BICD1: variants seen among roughly 807,000 people sequenced by gnomAD.
BICD1 encodes BICD cargo adaptor 1.
Under a neutral mutation model 92.5 loss-of-function variants are expected in BICD1, and 35 were observed. The ratio of observed to expected loss-of-function variants is 0.38; its 90% CI spans 0.29 to 0.50. BICD1 has a LOEUF of 0.50. Ranked by LOEUF, BICD1 falls within the 20% of genes least tolerant of loss-of-function variation. The pLI is 0.93. For missense variants in BICD1, 950 were observed against 1,189.8 expected, an observed-to-expected ratio of 0.80 and a Z score of 2.97; for synonymous variants, 429 against 465.1, an observed-to-expected ratio of 0.92 and a Z score of 1.00.
chr12:32,123,991 C>T (rs543694065), intron 1 of BICD1, among the ~76,000 whole-genome samples: 67 of 152,268 alleles, frequency 4.4e-4, no homozygotes, highest in African/African-American at 1.5e-3. Flanking sequence ...AAAGACACTG[C>T]GCTGACTTGC....
At chr12:32,225,619 C>CTTTTTTTTTTTTTTTT (rs1555150859) in intron 2 of BICD1, among the ~76,000 whole-genome samples, 4 of 29,228 alleles carry the variant, frequency 1.4e-4, no homozygotes, top group African/African-American at 3.3e-4. Flanking sequence ...TTCTTTTTTT[C>CTTTTTTTTTTTTTTTT]TGTTTTTTTT....
At position 32,378,659 on chromosome 12, in the gene BICD1, T is replaced by C. The variant is rs1403952301; in HGVS notation, c.*1032T>C. On this transcript the variant is annotated 3_prime_UTR_variant, in exon 10 of 10. Coordinates refer to ENST00000652176, the MANE Select transcript of BICD1 (RefSeq NM_001714.4). ...AATATATACATATATAGATGTAAGATAGCCTTTAATTAATTAATTTACCCA... is the reference window on the plus strand; with the variant it reads ...AATATATACATATATAGATGTAAGACAGCCTTTAATTAATTAATTTACCCA... 1 of 152,194 alleles carries C rather than the reference T, an allele frequency of 6.6e-6. No homozygotes were observed. The highest frequency in any genetic ancestry group is 1.5e-5 in the Non-Finnish European group (1 of 68,028). 9.4% of individuals were successfully genotyped at this position (152,194 alleles called of 1,614,324 possible). A position where few individuals can be genotyped will look rare whatever the true frequency, so the allele number is the denominator to read the frequency against.
chr12:32,379,214 A>T lies in BICD1; in HGVS notation c.*1587A>T, dbSNP rs1159643155. The T allele has an allele frequency of 2.0e-5, 3 of 152,278 alleles. No homozygotes were observed. The highest frequency in any genetic ancestry group is 4.4e-5 in the Non-Finnish European group (3 of 68,080). The allele number at this position is 152,278 out of a possible 1,614,324, so 9.4% of individuals were successfully genotyped here. ...AGGAGATCCAGGAGCCACTCAGCTT[A>T]TTGAGCGGACATGGGTGGCACAGAA... On this transcript the variant is annotated 3_prime_UTR_variant, in exon 10 of 10. Transcript: ENST00000652176.
At chr12:32,150,220 G>A (rs1592378717) in intron 1 of BICD1, among the ~76,000 whole-genome samples, 1 of 152,268 alleles carries the variant, frequency 6.6e-6, no homozygotes, top group East Asian at 1.9e-4. Flanking sequence ...GATTTGGGTG[G>A]GGACACAGCC....
chr12:32,156,642 T>C (rs1056936348), intron 1 of BICD1, among the ~76,000 whole-genome samples: 2 of 152,226 alleles, frequency 1.3e-5, no homozygotes, highest in East Asian at 1.9e-4. Flanking sequence ...CAGGTACTTA[T>C]TACTCTTTCC....
rs142622078 is a variant in BICD1, at chr12:32,380,162, C to T, written c.*2535C>T. On this transcript the variant is annotated 3_prime_UTR_variant, in exon 10 of 10. Transcript: ENST00000652176. ...TCAGCACAAAATTAAGTGATAGTCCCTAAGCAGTAAGAGAGAATACCATGT... is the reference window on the plus strand; with the variant it reads ...TCAGCACAAAATTAAGTGATAGTCCTTAAGCAGTAAGAGAGAATACCATGT... The T allele has an allele frequency of 6.6e-6, 1 of 152,140 alleles. No homozygotes were observed. Among genetic ancestry groups the T allele is most frequent in the Non-Finnish European group, 1.5e-5 (1 of 68,008 alleles). 9.4% of individuals were successfully genotyped at this position (152,140 alleles called of 1,614,324 possible).
intron 1 of BICD1, among the ~76,000 whole-genome samples, chr12:32,194,488 T>A (rs997021488): frequency 6.6e-6 from 1 of 152,214 alleles, no homozygotes; most frequent in Non-Finnish European, 1.5e-5. Flanking sequence ...TTCAGTAAAG[T>A]TGCAGGATAC....
intron 2 of BICD1, among the ~76,000 whole-genome samples, chr12:32,249,625 T>C (rs1946476399): frequency 6.6e-6 from 1 of 151,958 alleles, no homozygotes; most frequent in African/African-American, 2.4e-5. Context: ...TTCGGGAGTG[T>C]CTTCCTGGAG....
intron 1 of BICD1, among the ~76,000 whole-genome samples, chr12:32,188,123 A>G (rs1213999714): frequency 6.6e-6 from 1 of 152,100 alleles, no homozygotes; most frequent in Admixed American, 6.6e-5. Flanking sequence ...ATTTTTGTAG[A>G]GACGGGGTTT....
At chr12:32,164,131 G>A (rs1329054321) in intron 1 of BICD1, among the ~76,000 whole-genome samples, 2 of 152,136 alleles carry the variant, frequency 1.3e-5, no homozygotes, top group African/African-American at 4.8e-5. Context: ...TATGGCGAAT[G>A]TCACAGCTAT....
At chr12:32,223,148 C>T (rs990511525) in intron 2 of BICD1, among the ~76,000 whole-genome samples, 2 of 152,200 alleles carry the variant, frequency 1.3e-5, no homozygotes, top group South Asian at 2.1e-4. Flanking sequence ...TTCTTTCCTT[C>T]GACCTCATAA....
At chr12:32,164,773 G>A (rs1943705673) in intron 1 of BICD1, among the ~76,000 whole-genome samples, 1 of 152,198 alleles carries the variant, frequency 6.6e-6, no homozygotes, top group African/African-American at 2.4e-5. Flanking sequence ...AAGGACAAAA[G>A]TGAATCCACT....
At chr12:32,181,869 AT>A (rs1358939226) in intron 1 of BICD1, among the ~76,000 whole-genome samples, 2 of 152,136 alleles carry the variant, frequency 1.3e-5, no homozygotes, top group East Asian at 3.9e-4. Flanking sequence ...GCAAAACCTG[AT>A]CTAGAAGTCC....
At chr12:32,372,763 G>A (rs1298734808) in intron 9 of BICD1, among the ~76,000 whole-genome samples, 1 of 152,098 alleles carries the variant, frequency 6.6e-6, no homozygotes, top group Non-Finnish European at 1.5e-5. Context: ...TGTAGTCCCA[G>A]CTACTCAGGA....
At chr12:32,250,887 G>A (rs1946506209) in intron 2 of BICD1, among the ~76,000 whole-genome samples, 1 of 152,190 alleles carries the variant, frequency 6.6e-6, no homozygotes, top group Non-Finnish European at 1.5e-5. Flanking sequence ...GGAGGCTAAG[G>A]TGGGAGGATT....
At chr12:32,270,629 T>C (rs950344074) in intron 2 of BICD1, among the ~76,000 whole-genome samples, 9 of 152,224 alleles carry the variant, frequency 5.9e-5, no homozygotes, top group Non-Finnish European at 1.0e-4. Flanking sequence ...TACGTAAAAC[T>C]ATGATAAGAT....
intron 4 of BICD1, among the ~76,000 whole-genome samples, chr12:32,325,136 G>A (rs1270967034): frequency 9.9e-6 from 1 of 101,202 alleles, no homozygotes; most frequent in Non-Finnish European, 2.1e-5. Flanking sequence ...ACTGCACCTG[G>A]CTCCATTTAT....
At chr12:32,183,032 C>T (rs1321974232) in intron 1 of BICD1, among the ~76,000 whole-genome samples, 1 of 151,286 alleles carries the variant, frequency 6.6e-6, no homozygotes, top group Non-Finnish European at 1.5e-5. Context: ...GCTGGAACTA[C>T]AGGTGTGCAC....
intron 1 of BICD1, among the ~76,000 whole-genome samples, chr12:32,113,380 C>A (rs1941768695): frequency 6.6e-6 from 1 of 152,136 alleles, no homozygotes; most frequent in African/African-American, 2.4e-5. Context: ...GCTCAAGTTA[C>A]ATGAGTTTCT....
Sources: gnomAD v4.1 joint callset for allele counts (sites outside exome capture counted in the v4.1 genomes callset) on GRCh38, gnomAD v4.1.1 for gene constraint, MANE v1.5 for transcripts, NCBI Gene and HGNC (gene_info 2026-07-23, HGNC 2026-07-21) for gene names.